The following HTR1F variants were observed in gnomAD, a reference collection of about 807,000 sequenced individuals.
HTR1F encodes the protein 5-hydroxytryptamine receptor 1F, also known as 5-hydroxytryptamine (serotonin) receptor 1F, G protein-coupled.
A neutral mutation model predicts 24.0 loss-of-function variants in HTR1F; 17 were observed. The observed-to-expected ratio is 0.71, with a 90% CI of 0.48 to 1.06. HTR1F has a LOEUF of 1.06. HTR1F is among the 50% of genes least tolerant of loss of function. HTR1F has a pLI of 0.00. For missense variants in HTR1F, 391 were observed against 427.8 expected (o/e 0.91, Z 0.76); for synonymous variants, 186 against 156.8 (o/e 1.19, Z -1.39).
chr3:87,944,410 A>T (rs1704645532), intron 2 of HTR1F, among the ~76,000 whole-genome samples: 1 of 152,178 alleles, frequency 6.6e-6, no homozygotes, highest in Admixed American at 6.5e-5. Flanking sequence ...GAGACCAATT[A>T]TTAAGCAATT....
chr3:87,957,459 A>G (rs1432551522), intron 2 of HTR1F, among the ~76,000 whole-genome samples: 7 of 151,246 alleles, frequency 4.6e-5, no homozygotes, highest in African/African-American at 1.7e-4. Context: ...CAGGATAATT[A>G]TGAAATCAGA....
At chr3:87,840,578 C>T (rs763625493) in intron 2 of HTR1F, among the ~76,000 whole-genome samples, 1 of 152,038 alleles carries the variant, frequency 6.6e-6, no homozygotes, top group Non-Finnish European at 1.5e-5. Context: ...AACATATGAT[C>T]CAGCAATCCC....
intron 2 of HTR1F, among the ~76,000 whole-genome samples, chr3:87,824,966 TTG>T (rs1307062149): frequency 6.6e-6 from 1 of 152,196 alleles, no homozygotes; most frequent in Non-Finnish European, 1.5e-5. Context: ...CGAACAGATT[TTG>T]TGTCTTTCTT....
In HTR1F at chr3:87,897,062, A is replaced by G. The variant is rs556739140; in HGVS notation, c.-43+74938A>G. On this transcript the variant is annotated intron_variant, in intron 2 of 2. Transcript: ENST00000319595. ...ACCCAGAAATCCCTCTTCTGGATAT[A>G]TATTCAAAGGAAATAAAATTATCAC... Among the ~76,000 whole-genome samples, 37 of 152,200 alleles carry G rather than the reference A, an allele frequency of 2.4e-4. 2 individuals are homozygous for G. In the South Asian group the frequency reaches 6.6e-3, roughly 27 times the overall value.
At chr3:87,836,184 C>T (rs186087543) in intron 2 of HTR1F, among the ~76,000 whole-genome samples, 63 of 152,242 alleles carry the variant, frequency 4.1e-4, no homozygotes, top group African/African-American at 1.5e-3. Flanking sequence ...TTCTAGTCAA[C>T]CAATTCACTG....
At position 87,991,121 on chromosome 3, in the gene HTR1F, A is replaced by G; in HGVS notation, c.372A>G (p.Ala124=). 1 of 1,614,086 alleles carries G rather than the reference A, an allele frequency of 6.2e-7. No homozygotes were observed. The highest frequency in any genetic ancestry group is 8.5e-7 in the Non-Finnish European group (1 of 1,180,030). The change falls in exon 3 of 3, where the codon GCA becomes GCG. Residue 124 remains alanine, a synonymous_variant. Transcript: ENST00000319595. ...CTATAGCTTTGGATCGGTATCGAGC[A>G]ATCACAGATGCTGTTGAGTATGCCA... ...LSAIALDRYR[A]ITDAVEYARK... is the part of the protein sequence containing the mutation.
chr3:87,946,245 C>T (rs1052617962), intron 2 of HTR1F, among the ~76,000 whole-genome samples: 5 of 152,102 alleles, frequency 3.3e-5, no homozygotes, highest in Admixed American at 1.3e-4. Context: ...CGGCGGCAAA[C>T]GGCAGTGGTG....
At chr3:87,839,107 A>T (rs1452707288) in intron 2 of HTR1F, among the ~76,000 whole-genome samples, 1 of 147,218 alleles carries the variant, frequency 6.8e-6, no homozygotes, top group Non-Finnish European at 1.5e-5. Context: ...TTGCTTGTGC[A>T]TTTGGGTTCA....
intron 2 of HTR1F, among the ~76,000 whole-genome samples, chr3:87,976,267 A>G (rs1162059082): frequency 1.3e-5 from 2 of 152,232 alleles, no homozygotes; most frequent in East Asian, 1.9e-4. Context: ...TGTATAAAAT[A>G]TAAGTAACAG....
At chr3:87,871,517 T>C (rs1160966973) in intron 2 of HTR1F, among the ~76,000 whole-genome samples, 1 of 152,066 alleles carries the variant, frequency 6.6e-6, no homozygotes, top group Non-Finnish European at 1.5e-5. Flanking sequence ...CTGACATCTT[T>C]CCAAATCTGA....
In HTR1F at chr3:87,992,966, TAGTC is replaced by T. The variant is rs1015863432; in HGVS notation, c.*1118_*1121del. The T allele has an allele frequency of 1.2e-5, 2 of 166,884 alleles. No homozygotes were observed. The highest frequency in any genetic ancestry group is 4.8e-5 in the African/African-American group (2 of 41,452). 10.3% of individuals were successfully genotyped at this position (166,884 alleles called of 1,614,324 possible). A position where few individuals can be genotyped will look rare whatever the true frequency, so the allele number is the denominator to read the frequency against. On this transcript the variant is annotated 3_prime_UTR_variant, in exon 3 of 3. Coordinates refer to ENST00000319595, the MANE Select transcript of HTR1F (RefSeq NM_001322209.2). ...GTACACACATATATATTTTTGTAAT[TAGTC>T]ACTCTACTAGTTCAGTGAGCCAAAG...
intron 2 of HTR1F, among the ~76,000 whole-genome samples, chr3:87,875,395 A>G (rs1705647718): frequency 6.6e-6 from 1 of 151,860 alleles, no homozygotes; most frequent in African/African-American, 2.4e-5. Context: ...GGTTGCAGTG[A>G]GCCGAGATCA....
chr3:87,869,420 G>GATAC (rs1305333411), intron 2 of HTR1F, among the ~76,000 whole-genome samples: 3,688 of 134,776 alleles, frequency 0.027, 93 homozygotes, highest in African/African-American at 0.075. Flanking sequence ...TAGATAGATA[G>GATAC]ATAGATAGAT....
intron 2 of HTR1F, among the ~76,000 whole-genome samples, chr3:87,959,889 A>T: frequency 6.6e-6 from 1 of 151,896 alleles, no homozygotes; most frequent in East Asian, 1.9e-4. Context: ...TGTCATTTAT[A>T]TAGAAAAAGA....
chr3:87,848,891 A>C (rs1036093937), intron 2 of HTR1F, among the ~76,000 whole-genome samples: 1 of 151,602 alleles, frequency 6.6e-6, no homozygotes, highest in Non-Finnish European at 1.5e-5. Flanking sequence ...CTAGGAATCC[A>C]ACTTACAAGG....
intron 2 of HTR1F, among the ~76,000 whole-genome samples, chr3:87,823,333 C>A (rs115399114): frequency 0.024 from 3,597 of 152,172 alleles, 66 homozygotes; most frequent in Non-Finnish European, 0.031. Context: ...TATACTGATT[C>A]TCAGTTATGA....
In HTR1F at chr3:87,809,505, C is replaced by T. The variant is rs1704126959; in HGVS notation, c.-159-12503C>T. ...CATGATTTCTAATTGACAAACTTAA[C>T]TAAGCTTTTCTTTTTTGATTTACAT... is the stretch of plus-strand genomic sequence containing the variant. On this transcript the variant is annotated intron_variant, in intron 1 of 2. Coordinates refer to ENST00000319595, the MANE Select transcript of HTR1F (RefSeq NM_001322209.2). 6.6e-5 allele frequency among the ~76,000 whole-genome samples: 10 copies of T among 152,108 alleles called. No homozygotes were observed. The South Asian group carries it at 2.1e-3, about 31-fold the overall frequency.
intron 2 of HTR1F, among the ~76,000 whole-genome samples, chr3:87,923,285 T>C (rs1704051230): frequency 6.6e-6 from 1 of 152,034 alleles, no homozygotes. Flanking sequence ...GAATATTTTT[T>C]TATTTCTGTG....
chr3:87,848,792 A>G (rs1298432001), intron 2 of HTR1F, among the ~76,000 whole-genome samples: 1 of 151,654 alleles, frequency 6.6e-6, no homozygotes, highest in Non-Finnish European at 1.5e-5. Flanking sequence ...CAAAAATCAC[A>G]AGCATTCTTA....
Sources: allele counts gnomAD v4.1 joint callset (sites outside exome capture counted in the v4.1 genomes callset), GRCh38; gene constraint gnomAD v4.1.1; transcripts MANE v1.5; gene names NCBI Gene and HGNC (gene_info 2026-07-23, HGNC 2026-07-21).